Variants in SYNE1 observed in about 807,000 individuals in gnomAD.
SYNE1 encodes the protein spectrin repeat containing nuclear envelope protein 1.
SYNE1 carries 616 observed loss-of-function variants against 1,111.0 expected under a neutral mutation model. The ratio of observed to expected loss-of-function variants is 0.55; its 90% CI spans 0.52 to 0.59. The LOEUF (loss-of-function observed/expected upper bound fraction) is 0.59. Among genes scored for constraint, SYNE1 ranks in the 20% least tolerant of loss-of-function variants. SYNE1 has a pLI of 0.00. For synonymous variants in SYNE1, 3,855 were observed against 3,825.8 expected (o/e 1.01, Z -0.28); for missense variants, 10,006 against 10,417.0 (o/e 0.96, Z 1.72).
intron 55 of SYNE1, chr6:152,381,690 G>A: frequency 2.7e-6 from 1 of 368,108 alleles, no homozygotes; most frequent in Non-Finnish European, 5.2e-6. Flanking sequence ...TCCTGTGAAT[G>A]ATTAAACCCA....
rs563548369 is a variant in SYNE1 at position 152,329,618 on chromosome 6, A to G, written c.14955+112T>C. On this transcript the variant is annotated intron_variant, in intron 78 of 145. Coordinates refer to ENST00000367255, the MANE Select transcript of SYNE1 (RefSeq NM_182961.4). Reference sequence around the variant, plus strand: ...ACTGCTGAAGATGCTTCTGTGTAGTATTTCGAAAGAAATATTTAAAGAAGC... The same window carrying G: ...ACTGCTGAAGATGCTTCTGTGTAGTGTTTCGAAAGAAATATTTAAAGAAGC... 14 of 1,371,810 alleles carry G rather than the reference A, an allele frequency of 1.0e-5. 1 individual carries two copies. In the African/African-American group the frequency reaches 1.1e-4, roughly 11 times the overall value. 85.0% of individuals were successfully genotyped at this position (1,371,810 alleles called of 1,614,324 possible).
chr6:152,319,156 A>C, intron 84 of SYNE1, 141 bp from the exon 85 acceptor site: 1 of 1,192,726 alleles, frequency 8.4e-7, no homozygotes, highest in Non-Finnish European at 1.2e-6. Context: ...ATGTGCGATT[A>C]GTTACAAGCC....
chr6:152,606,232 T>A (rs2099614461), intron 3 of SYNE1, among the ~76,000 whole-genome samples: 1 of 152,010 alleles, frequency 6.6e-6, no homozygotes, highest in South Asian at 2.1e-4. Context: ...ATTAAAGTGA[T>A]GAAGGGCCAG....
chr6:152,233,792 TCTC>T lies in SYNE1; in HGVS notation c.20698_20700del (p.Glu6900del), dbSNP rs1404560494. 6.2e-7 allele frequency: 1 copy of T among 1,614,148 alleles called. No individual in the cohort carries two copies. Among genetic ancestry groups the T allele is most frequent in the Non-Finnish European group, 8.5e-7 (1 of 1,180,030 alleles). On this transcript the variant is annotated inframe_deletion, in exon 112 of 146. Coordinates refer to ENST00000367255, the MANE Select transcript of SYNE1 (RefSeq NM_182961.4). ...AATCCTTTCTGTACCTGGTGGAGCTTCTCCTGGACGGCTGGGATATTGGTTAGC... is the reference window on the plus strand; with the variant it reads ...AATCCTTTCTGTACCTGGTGGAGCTTCTGGACGGCTGGGATATTGGTTAGC...
rs1164056836 is a variant in SYNE1, at chr6:152,249,235, G to A, written c.19498C>T (p.Leu6500=). The A allele has an allele frequency of 1.2e-6, 2 of 1,613,648 alleles. No homozygotes were observed. The highest frequency in any genetic ancestry group is 1.7e-6 in the Non-Finnish European group (2 of 1,179,674). ...AGAATGATGTATTTGTTGTCAGCCAGTGATGTAAACAGCACTTTCAGATCA... is the reference window on the plus strand; with the variant it reads ...AGAATGATGTATTTGTTGTCAGCCAATGATGTAAACAGCACTTTCAGATCA... ...QNDLKVLFTS[L]ADNKYIILQK... Residue 6500 remains leucine, a synonymous_variant, in exon 105 of 146, where the codon CTG becomes TTG. Coordinates refer to ENST00000367255, the MANE Select transcript of SYNE1 (RefSeq NM_182961.4).
At chr6:152,245,406 C>T (rs1006357819) in intron 105 of SYNE1, among the ~76,000 whole-genome samples, 5 of 152,144 alleles carry the variant, frequency 3.3e-5, no homozygotes, top group African/African-American at 9.7e-5. Flanking sequence ...CCTAAGCAGG[C>T]GTTTGGAAAG....
intron 138 of SYNE1, among the ~76,000 whole-genome samples, chr6:152,143,345 A>G (rs1000597257): frequency 1.3e-5 from 2 of 152,240 alleles, no homozygotes; most frequent in Admixed American, 1.3e-4. Flanking sequence ...TTTGGGAGCC[A>G]AAGTATTTTG....
At chr6:152,484,700 C>T (rs2098930224) in intron 13 of SYNE1, 135 bp downstream of exon 13, 1 of 904,646 alleles carries the variant, frequency 1.1e-6, no homozygotes, top group Non-Finnish European at 1.7e-6. Context: ...CAAAGATTCT[C>T]CCATAGTTAA....
Position 152,344,279 on chromosome 6 carries a change from A to G in SYNE1, c.12079-52T>C. On this transcript the variant is annotated intron_variant, in intron 73 of 145. Transcript: ENST00000367255. ...TATGAGAACTGCTTTCTACCTCTAT[A>G]AAGATCATTCAAATTCAATGAAACA... 6 of 1,612,172 alleles carry G rather than the reference A, an allele frequency of 3.7e-6. No homozygotes were observed. In the South Asian group the frequency reaches 6.6e-5, roughly 18 times the overall value.
At chr6:152,616,936 G>A (rs1437984888) in intron 3 of SYNE1, among the ~76,000 whole-genome samples, 2 of 152,050 alleles carry the variant, frequency 1.3e-5, no homozygotes, top group Non-Finnish European at 2.9e-5. Context: ...ATTTTGTGCT[G>A]GATCCTGAAA....
chr6:152,596,334 C>T lies in SYNE1; in HGVS notation c.67+31931G>A, dbSNP rs963429174. Among the ~76,000 whole-genome samples the T allele has an allele frequency of 4.1e-5, 6 of 148,080 alleles. No individual in the cohort carries two copies. The Admixed American group carries it at 4.1e-4, about 10-fold the overall frequency. On this transcript the variant is annotated intron_variant, in intron 3 of 145. Transcript: ENST00000367255. Reference sequence around the variant, plus strand: ...CCAGGCGATCTCAGCTCACTGAAACCTTCACCTCCCAGAGGAGTTCAAGAG... The same window carrying T: ...CCAGGCGATCTCAGCTCACTGAAACTTTCACCTCCCAGAGGAGTTCAAGAG...
Position 152,233,907 on chromosome 6 carries a change from A to C in SYNE1, c.20586T>G (p.Thr6862=). ...TTTTTAGTCGAAGGAGCTGATTTCC[A>C]GTACTCAGAACAGATGATTTCAGGG... ...QSSLKSSVLS[T]GNQLLRLKKV... The change falls in exon 112 of 146, where the codon ACT becomes ACG. Residue 6862 remains threonine (T), a synonymous_variant. Transcript: ENST00000367255. The C allele has an allele frequency of 6.2e-7, 1 of 1,614,202 alleles. No individual in the cohort carries two copies. The highest frequency in any genetic ancestry group is 1.6e-4 in the Middle Eastern group (1 of 6,062).
Position 152,236,828 on chromosome 6 carries a change from T to C in SYNE1, c.20188A>G (p.Thr6730Ala), listed in dbSNP as rs1463604080. 1.9e-6 allele frequency: 3 copies of C among 1,614,168 alleles called. No individual in the cohort carries two copies. Among genetic ancestry groups the C allele is most frequent in the Admixed American group, 1.7e-5 (1 of 60,022 alleles). The stretch of plus-strand genomic sequence containing the variant: ...CTTGTAACACCAACCTGGTAGAGTG[T>C]TATGCGGTCAATAAGCCTGTCCTCG... The part of the protein sequence containing the change: ...ENEDRLIDRI[T>A]LYQHLKSSLN... Residue 6730 changes from threonine to alanine, a missense_variant, in exon 109 of 146, where the codon ACA (threonine) becomes GCA (alanine). Coordinates refer to ENST00000367255, the MANE Select transcript of SYNE1 (RefSeq NM_182961.4).
intron 56 of SYNE1, among the ~76,000 whole-genome samples, chr6:152,379,526 C>T (rs867197293): frequency 3.9e-5 from 6 of 152,170 alleles, no homozygotes; most frequent in African/African-American, 1.4e-4. Flanking sequence ...AAACAATGCC[C>T]TAAGAACCCT....
At chr6:152,309,264 G>A (rs1321408093) in intron 90 of SYNE1, among the ~76,000 whole-genome samples, 2 of 152,204 alleles carry the variant, frequency 1.3e-5, no homozygotes, top group Non-Finnish European at 2.9e-5. Flanking sequence ...GACCAAATGA[G>A]CCACTAGTGA....
intron 104 of SYNE1, among the ~76,000 whole-genome samples, chr6:152,252,137 G>T (rs956970815): frequency 5.3e-5 from 8 of 152,196 alleles, no homozygotes; most frequent in African/African-American, 1.9e-4. Flanking sequence ...GCTGGGCATG[G>T]CGTGCATGCC....
chr6:152,297,001 C>G (rs2094914687), intron 93 of SYNE1, among the ~76,000 whole-genome samples: 2 of 152,182 alleles, frequency 1.3e-5, no homozygotes, highest in Admixed American at 6.5e-5. Flanking sequence ...TTCTCCTGTC[C>G]ACATTGATCC....
chr6:152,149,413 C>T, intron 136 of SYNE1, 64 bp downstream of exon 136: 1 of 1,600,288 alleles, frequency 6.2e-7, no homozygotes, highest in Non-Finnish European at 8.6e-7. Context: ...ATCAATACAA[C>T]CCAATCCCAC....
chr6:152,268,238 T>C (rs1486989497), intron 99 of SYNE1, 73 bp from the exon 100 acceptor site: 2 of 1,252,268 alleles, frequency 1.6e-6, no homozygotes, highest in Admixed American at 3.4e-5. Flanking sequence ...TAGTTCTAGC[T>C]ATAAAATTCT....
Sources: allele counts gnomAD v4.1 joint callset (sites outside exome capture counted in the v4.1 genomes callset), GRCh38; gene constraint gnomAD v4.1.1; transcripts MANE v1.5; gene names NCBI Gene and HGNC (gene_info 2026-07-23, HGNC 2026-07-21).